Variants in NSRP1 observed in about 807,000 individuals in gnomAD.
The protein encoded by NSRP1 is coiled-coil domain containing 55.
A neutral mutation model predicts 54.7 loss-of-function variants in NSRP1; 24 were observed. That is an observed-to-expected ratio of 0.44 (90% CI 0.32 to 0.62). The LOEUF (loss-of-function observed/expected upper bound fraction) is 0.62. Among genes scored for constraint, NSRP1 ranks in the 20% least tolerant of loss-of-function variants. NSRP1 has a pLI of 0.06. For synonymous variants in NSRP1, 210 were observed against 213.8 expected (o/e 0.98, Z 0.15); for missense variants, 596 against 651.2 (o/e 0.92, Z 0.92).
intron 2 of NSRP1, among the ~76,000 whole-genome samples, chr17:30,167,388 A>G (rs1904772664): frequency 6.6e-6 from 1 of 152,162 alleles, no homozygotes; most frequent in Non-Finnish European, 1.5e-5. Context: ...AGGCAGGTGG[A>G]TCATGAGGTC....
intron 6 of NSRP1, among the ~76,000 whole-genome samples, chr17:30,183,631 A>G (rs1905395667): frequency 6.6e-6 from 1 of 152,208 alleles, no homozygotes; most frequent in Non-Finnish European, 1.5e-5. Context: ...TGTGATTAGT[A>G]AGTGATTAGT....
intron 2 of NSRP1, among the ~76,000 whole-genome samples, chr17:30,168,505 T>G (rs960898289): frequency 6.6e-6 from 1 of 150,996 alleles, no homozygotes; most frequent in Non-Finnish European, 1.5e-5. Flanking sequence ...AATCTTAAAA[T>G]TACATAGTAT....
intron 2 of NSRP1, among the ~76,000 whole-genome samples, chr17:30,158,717 G>T (rs1308539025): frequency 6.6e-6 from 1 of 152,030 alleles, no homozygotes; most frequent in Non-Finnish European, 1.5e-5. Context: ...ATTGAAGAGG[G>T]TATTCTTTCC....
chr17:30,179,907 G>A (rs1905242279), intron 5 of NSRP1, among the ~76,000 whole-genome samples: 1 of 151,736 alleles, frequency 6.6e-6, no homozygotes, highest in Non-Finnish European at 1.5e-5. Context: ...CTCAACCATG[G>A]CTCACTGCAG....
At chr17:30,176,008 C>T (rs1472458732) in intron 3 of NSRP1, among the ~76,000 whole-genome samples, 2 of 150,966 alleles carry the variant, frequency 1.3e-5, no homozygotes, top group South Asian at 2.1e-4. Flanking sequence ...GAACCCCCCC[C>T]CCAAAAAAAA....
chr17:30,133,970 C>A (rs2071725650), intron 2 of NSRP1, among the ~76,000 whole-genome samples: 1 of 152,216 alleles, frequency 6.6e-6, no homozygotes. Flanking sequence ...GCCTGTCTCG[C>A]CTTTCAGCAT....
chr17:30,147,917 T>C (rs2071872464), intron 2 of NSRP1, among the ~76,000 whole-genome samples: 2 of 151,918 alleles, frequency 1.3e-5, no homozygotes, highest in African/African-American at 4.8e-5. Flanking sequence ...GTTCAAGCAA[T>C]TCTCCTGTCC....
At chr17:30,123,549 T>G (rs1231159718) in intron 2 of NSRP1, among the ~76,000 whole-genome samples, 2 of 152,198 alleles carry the variant, frequency 1.3e-5, no homozygotes, top group Non-Finnish European at 2.9e-5. Flanking sequence ...GAAAATATCC[T>G]TCGAAGCACA....
At chr17:30,169,195 A>T (rs117041649) in intron 2 of NSRP1, among the ~76,000 whole-genome samples, 29 of 152,068 alleles carry the variant, frequency 1.9e-4, no homozygotes, top group Non-Finnish European at 3.5e-4. Flanking sequence ...CTGGAAAGGT[A>T]TAGCCTTGTG....
At chr17:30,142,130 C>T (rs761371511) in intron 2 of NSRP1, among the ~76,000 whole-genome samples, 1 of 152,164 alleles carries the variant, frequency 6.6e-6, no homozygotes, top group Non-Finnish European at 1.5e-5. Context: ...TTGTGTATCT[C>T]GTCCAACCTT....
intron 2 of NSRP1, among the ~76,000 whole-genome samples, chr17:30,164,944 A>G (rs956981272): frequency 3.9e-5 from 6 of 152,214 alleles, no homozygotes; most frequent in Non-Finnish European, 7.3e-5. Flanking sequence ...GGTCACATTC[A>G]GCCTTAATCT....
At chr17:30,179,755 T>C (rs1204354520) in intron 5 of NSRP1, among the ~76,000 whole-genome samples, 1 of 152,178 alleles carries the variant, frequency 6.6e-6, no homozygotes, top group East Asian at 1.9e-4. Context: ...GAATAAAAAT[T>C]GGATGAATTA....
At chr17:30,124,089 A>G (rs998284440) in intron 2 of NSRP1, among the ~76,000 whole-genome samples, 1 of 151,924 alleles carries the variant, frequency 6.6e-6, no homozygotes, top group Non-Finnish European at 1.5e-5. Context: ...AGCCTGGGCA[A>G]CAGCGAGACC....
In NSRP1 at chr17:30,172,523, A is replaced by G. The variant is rs367706876; in HGVS notation, c.115-19A>G. 12 of 1,589,670 alleles carry G rather than the reference A, an allele frequency of 7.5e-6. No individual in the cohort carries two copies. Among genetic ancestry groups the G allele is most frequent in the Non-Finnish European group, 1.0e-5 (12 of 1,167,508 alleles). On this transcript the variant is annotated intron_variant, in intron 2 of 6. Transcript: ENST00000247026. ...TTTTAAATTTGTTTAAAAAGTGACA[A>G]TATATTTCTGTTTTACAGACCTCTG...
intron 2 of NSRP1, among the ~76,000 whole-genome samples, chr17:30,147,178 G>A (rs2071864107): frequency 1.3e-5 from 2 of 150,406 alleles, no homozygotes; most frequent in African/African-American, 2.5e-5. Flanking sequence ...GCCCAGGATG[G>A]AATGCAATGG....
chr17:30,125,667 C>T (rs2071643416), intron 2 of NSRP1: 1 of 152,324 alleles, frequency 6.6e-6, no homozygotes. Context: ...TGTGCCTCAG[C>T]CTCCCAAGTA....
intron 2 of NSRP1, among the ~76,000 whole-genome samples, chr17:30,170,388 G>T (rs535153590): frequency 6.6e-6 from 1 of 151,996 alleles, no homozygotes; most frequent in Non-Finnish European, 1.5e-5. Flanking sequence ...ATTACCTATT[G>T]TCCTCATGTG....
At chr17:30,137,505 G>C (rs1055399120) in intron 2 of NSRP1, among the ~76,000 whole-genome samples, 1 of 152,170 alleles carries the variant, frequency 6.6e-6, no homozygotes, top group African/African-American at 2.4e-5. Context: ...TGTGCCTTCA[G>C]CTTCAGTCCT....
chr17:30,150,738 A>G (rs1597607433), intron 2 of NSRP1: 1 of 111,462 alleles, frequency 9.0e-6, no homozygotes, highest in Admixed American at 1.4e-4. Context: ...CCCAGGCTGG[A>G]GTTCAATGGC....
Sources: allele counts gnomAD v4.1 joint callset (sites outside exome capture counted in the v4.1 genomes callset), GRCh38; gene constraint gnomAD v4.1.1; transcripts MANE v1.5; gene names NCBI Gene and HGNC (gene_info 2026-07-23, HGNC 2026-07-21).